The following CDH13 variants were observed in gnomAD, a reference collection of about 807,000 sequenced individuals.
CDH13 encodes the protein cadherin-13.
In CDH13, 24 loss-of-function variants were observed where a neutral mutation model predicts 63.8. That is an observed-to-expected ratio of 0.38 (90% confidence interval 0.27 to 0.53). The LOEUF (loss-of-function observed/expected upper bound fraction) is 0.53. Among genes scored for constraint, CDH13 ranks in the 20% least tolerant of loss-of-function variants. CDH13 has a pLI of 0.85. For missense variants in CDH13, 1,049 were observed against 903.1 expected, an observed-to-expected ratio of 1.16 and a Z score of -2.07; for synonymous variants, 503 against 355.3, an observed-to-expected ratio of 1.42 and a Z score of -4.67.
At chr16:83,298,337 T>C (rs1244358313) in intron 5 of CDH13, among the ~76,000 whole-genome samples, 2 of 152,130 alleles carry the variant, frequency 1.3e-5, no homozygotes, top group African/African-American at 2.4e-5. Context: ...TAAAATATTA[T>C]TTTTCTTAGA....
At chr16:83,318,683 C>G (rs1054510808) in intron 5 of CDH13, among the ~76,000 whole-genome samples, 1 of 152,084 alleles carries the variant, frequency 6.6e-6, no homozygotes, top group African/African-American at 2.4e-5. Flanking sequence ...CTACGGAAAT[C>G]GAAGGAGGGA....
chr16:82,932,989 T>G (rs2042547575), intron 2 of CDH13, among the ~76,000 whole-genome samples: 1 of 152,196 alleles, frequency 6.6e-6, no homozygotes, highest in Admixed American at 6.5e-5. Context: ...AATTTTAATA[T>G]CAGTATATTG....
chr16:83,391,015 A>G (rs1345681402), intron 6 of CDH13, among the ~76,000 whole-genome samples: 1 of 152,170 alleles, frequency 6.6e-6, no homozygotes, highest in Non-Finnish European at 1.5e-5. Flanking sequence ...TTCAAACCAT[A>G]CAAAGTACAA....
At chr16:83,705,416 A>G (rs1043839431) in intron 10 of CDH13, among the ~76,000 whole-genome samples, 1 of 152,040 alleles carries the variant, frequency 6.6e-6, no homozygotes, top group Admixed American at 6.6e-5. Flanking sequence ...AGGTCAGGAG[A>G]TGGAGACCAT....
chr16:82,835,891 G>A (rs1003410397), intron 1 of CDH13, among the ~76,000 whole-genome samples: 2 of 152,170 alleles, frequency 1.3e-5, no homozygotes, highest in East Asian at 3.9e-4. Flanking sequence ...ACACCAGGAA[G>A]TCTCTGCTAC....
At chr16:83,754,861 C>T (rs1312798730) in intron 11 of CDH13, among the ~76,000 whole-genome samples, 2 of 152,118 alleles carry the variant, frequency 1.3e-5, no homozygotes, top group Admixed American at 6.6e-5. Context: ...AATACATCAT[C>T]CTATCTGACT....
intron 7 of CDH13, among the ~76,000 whole-genome samples, chr16:83,600,346 G>A (rs569883543): frequency 2.6e-5 from 4 of 152,286 alleles, no homozygotes; most frequent in South Asian, 4.1e-4. Context: ...ACTCATCACC[G>A]TGAATTGAAG....
intron 11 of CDH13, among the ~76,000 whole-genome samples, chr16:83,775,845 GCTGC>G (rs1195068532): frequency 6.6e-6 from 1 of 152,206 alleles, no homozygotes; most frequent in Non-Finnish European, 1.5e-5. Flanking sequence ...GGTGGTGGAG[GCTGC>G]TGATGGAAAG....
intron 2 of CDH13, among the ~76,000 whole-genome samples, chr16:82,863,327 A>G (rs1052998826): frequency 6.6e-6 from 1 of 152,152 alleles, no homozygotes; most frequent in African/African-American, 2.4e-5. Flanking sequence ...GCTTCTTAGA[A>G]ACACTATAAG....
chr16:82,782,839 G>T (rs1468090594), intron 1 of CDH13, among the ~76,000 whole-genome samples: 1 of 152,154 alleles, frequency 6.6e-6, no homozygotes, highest in Non-Finnish European at 1.5e-5. Context: ...CAAGTTCCTG[G>T]CACTAAGTTC....
chr16:83,202,839 T>C (rs1261015610), intron 4 of CDH13, among the ~76,000 whole-genome samples: 2 of 152,088 alleles, frequency 1.3e-5, no homozygotes, highest in South Asian at 4.1e-4. Context: ...TACAGGGAGA[T>C]AAACATTGAG....
At chr16:82,715,329 CAGTGCTTAT>C (rs11279568) in intron 1 of CDH13, among the ~76,000 whole-genome samples, 15,629 of 152,030 alleles carry the variant, frequency 0.1, 999 homozygotes, top group African/African-American at 0.16. Flanking sequence ...GCCAATCCTG[CAGTGCTTAT>C]AGCCAAGTCA....
At chr16:83,055,092 G>C (rs1176546197) in intron 3 of CDH13, among the ~76,000 whole-genome samples, 1 of 151,672 alleles carries the variant, frequency 6.6e-6, no homozygotes, top group Non-Finnish European at 1.5e-5. Flanking sequence ...ATATTCCATG[G>C]GTAAAATAAG....
intron 10 of CDH13, among the ~76,000 whole-genome samples, chr16:83,684,333 G>C (rs1311788880): frequency 6.6e-6 from 1 of 151,992 alleles, no homozygotes; most frequent in African/African-American, 2.4e-5. Flanking sequence ...CAGAGATGGT[G>C]CAACTGCACT....
intron 5 of CDH13, among the ~76,000 whole-genome samples, chr16:83,275,291 A>C (rs374945598): frequency 6.6e-6 from 1 of 152,160 alleles, no homozygotes. Context: ...CCTTTTGATT[A>C]GATGACACTT....
chr16:83,615,787 C>T (rs145620796), intron 8 of CDH13, among the ~76,000 whole-genome samples: 1 of 152,288 alleles, frequency 6.6e-6, no homozygotes, highest in East Asian at 1.9e-4. Flanking sequence ...ACACTTTGTC[C>T]AAGGACTCTA....
rs554295801 is a variant in CDH13, at chr16:83,034,330, T to C, written c.366+2112T>C. Among the ~76,000 whole-genome samples the C allele has an allele frequency of 2.0e-5, 3 of 152,232 alleles. No individual in the cohort carries two copies. In the South Asian group the frequency reaches 6.2e-4, roughly 32 times the overall value. On this transcript the variant is annotated intron_variant, in intron 3 of 13. Transcript: ENST00000567109. Reference sequence around the variant, plus strand: ...GCTGGATGAACTTCACAATTCCCCTTCAGCATCTGTGAAGCTGTGAGTTAA... The same window carrying C: ...GCTGGATGAACTTCACAATTCCCCTCCAGCATCTGTGAAGCTGTGAGTTAA...
chr16:82,635,045 G>C (rs1050906770), intron 1 of CDH13, among the ~76,000 whole-genome samples: 4 of 152,194 alleles, frequency 2.6e-5, no homozygotes, highest in Non-Finnish European at 1.5e-5. Context: ...ACTGTGATGA[G>C]GGAAGAAAGC....
intron 10 of CDH13, among the ~76,000 whole-genome samples, chr16:83,723,660 A>T (rs1909983081): frequency 6.6e-6 from 1 of 152,212 alleles, no homozygotes; most frequent in African/African-American, 2.4e-5. Flanking sequence ...TTCAGAGCAC[A>T]TACCACTCTC....
Sources: allele counts gnomAD v4.1 joint callset (sites outside exome capture counted in the v4.1 genomes callset), GRCh38; gene constraint gnomAD v4.1.1; transcripts MANE v1.5; gene names NCBI Gene and HGNC (gene_info 2026-07-23, HGNC 2026-07-21).